KIAA1958: variants seen among roughly 807,000 people sequenced by gnomAD.
The protein encoded by KIAA1958 is uncharacterized protein KIAA1958.
A neutral mutation model predicts 47.2 loss-of-function variants in KIAA1958; 14 were observed. The observed-to-expected ratio is 0.30, with a 90% CI of 0.20 to 0.46. The LOEUF is 0.46. Among genes scored for constraint, KIAA1958 ranks in the 20% least tolerant of loss-of-function variants. The probability of loss-of-function intolerance (pLI) is 1.00; values close to 1 mark genes in which losing one functional copy is unlikely to be tolerated. For synonymous variants in KIAA1958, 354 were observed against 353.3 expected, an observed-to-expected ratio of 1.00 and a Z score of -0.02; for missense variants, 803 against 909.2, an observed-to-expected ratio of 0.88 and a Z score of 1.50.
In KIAA1958 at chr9:112,667,939, G is replaced by A. The variant is rs971471989; in HGVS notation, c.*7870G>A. ...GGAAGGGTATGTATGCTTTTAAATA[G>A]ATAATATGGCTAGAAGCTACATATC... is the stretch of plus-strand genomic sequence containing the variant. On this transcript the variant is annotated 3_prime_UTR_variant, in exon 4 of 4. Transcript: ENST00000337530. 6.6e-6 allele frequency: 1 copy of A among 152,138 alleles called. No homozygotes were observed. The highest frequency in any genetic ancestry group is 1.5e-5 in the Non-Finnish European group (1 of 68,024). The allele number at this position is 152,138 out of a possible 1,614,324, so 9.4% of individuals were successfully genotyped here.
chr9:112,488,515 A>G (rs922004966), intron 1 of KIAA1958, among the ~76,000 whole-genome samples: 1 of 152,174 alleles, frequency 6.6e-6, no homozygotes, highest in Non-Finnish European at 1.5e-5. Context: ...CCGTTCTGGA[A>G]ACTCTTTTTT....
chr9:112,529,128 C>T (rs1834709059), intron 1 of KIAA1958, among the ~76,000 whole-genome samples: 1 of 152,136 alleles, frequency 6.6e-6, no homozygotes, highest in Admixed American at 6.5e-5. Flanking sequence ...CAAAACAATT[C>T]CCTGCCTTCT....
intron 1 of KIAA1958, among the ~76,000 whole-genome samples, chr9:112,504,419 C>T (rs1834199399): frequency 6.6e-6 from 1 of 152,158 alleles, no homozygotes; most frequent in South Asian, 2.1e-4. Flanking sequence ...GAATTCCTGA[C>T]CTCAAGTGAT....
chr9:112,539,175 A>G (rs763825602), intron 1 of KIAA1958, among the ~76,000 whole-genome samples: 4 of 152,240 alleles, frequency 2.6e-5, no homozygotes, highest in Non-Finnish European at 5.9e-5. Flanking sequence ...ACCATATGAC[A>G]CAGCAGTTCA....
intron 2 of KIAA1958, among the ~76,000 whole-genome samples, chr9:112,586,018 A>T (rs1263504313): frequency 1.3e-5 from 2 of 152,246 alleles, no homozygotes; most frequent in African/African-American, 4.8e-5. Flanking sequence ...TCCTGTTCTC[A>T]TGCTGCCTAC....
At chr9:112,584,705 G>A (rs895329817) in intron 2 of KIAA1958, among the ~76,000 whole-genome samples, 5 of 152,146 alleles carry the variant, frequency 3.3e-5, no homozygotes. Flanking sequence ...TTTATTCGAG[G>A]ATCAACATTG....
intron 1 of KIAA1958, among the ~76,000 whole-genome samples, chr9:112,510,539 C>T (rs1487020798): frequency 2.0e-5 from 3 of 152,172 alleles, no homozygotes; most frequent in South Asian, 2.1e-4. Flanking sequence ...CACTCCTGGT[C>T]CCTGTTTCCC....
chr9:112,517,641 GAGAATA>G (rs1165108311), intron 1 of KIAA1958, among the ~76,000 whole-genome samples: 1 of 152,118 alleles, frequency 6.6e-6, no homozygotes, highest in Non-Finnish European at 1.5e-5. Context: ...ATACTATTAA[GAGAATA>G]AAAATACAAA....
intron 1 of KIAA1958, among the ~76,000 whole-genome samples, chr9:112,497,401 A>C (rs1474686021): frequency 6.6e-6 from 1 of 152,152 alleles, no homozygotes; most frequent in Non-Finnish European, 1.5e-5. Flanking sequence ...TAGGGGAAAA[A>C]ACTCTGTGAA....
chr9:112,565,697 C>G (rs1835416193), intron 1 of KIAA1958, among the ~76,000 whole-genome samples: 1 of 152,128 alleles, frequency 6.6e-6, no homozygotes, highest in South Asian at 2.1e-4. Context: ...TCTTTTGACT[C>G]AATATATTTA....
At chr9:112,601,221 A>T (rs1485818630) in intron 2 of KIAA1958, among the ~76,000 whole-genome samples, 2 of 152,260 alleles carry the variant, frequency 1.3e-5, no homozygotes, top group Non-Finnish European at 2.9e-5. Flanking sequence ...TTTCAGAAAG[A>T]ATTCCTTAAC....
chr9:112,505,356 T>TA (rs1834215366), intron 1 of KIAA1958, among the ~76,000 whole-genome samples: 1 of 152,342 alleles, frequency 6.6e-6, no homozygotes, highest in East Asian at 1.9e-4. Context: ...TCCGCGTTTA[T>TA]AAAATGAGTA....
intron 1 of KIAA1958, among the ~76,000 whole-genome samples, chr9:112,492,045 C>T (rs1244792190): frequency 6.6e-6 from 1 of 152,194 alleles, no homozygotes; most frequent in African/African-American, 2.4e-5. Context: ...TATAGGACTT[C>T]ATATTTCTGG....
chr9:112,542,889 C>T (rs1199333543), intron 1 of KIAA1958, among the ~76,000 whole-genome samples: 1 of 152,164 alleles, frequency 6.6e-6, no homozygotes, highest in Non-Finnish European at 1.5e-5. Context: ...GGTGCTCAGG[C>T]TGGTGAGACT....
In KIAA1958 at chr9:112,574,999, G is replaced by T; in HGVS notation, c.919G>T (p.Ala307Ser). The T allele has an allele frequency of 6.2e-7, 1 of 1,614,174 alleles. No individual in the cohort carries two copies. Among genetic ancestry groups the T allele is most frequent in the African/African-American group, 1.3e-5 (1 of 75,050 alleles). ...PGTHGTNQQVAMQMPVSTSHP... is the reference protein window; with the variant it reads ...PGTHGTNQQVSMQMPVSTSHP... ...TACACATGGCACCAACCAACAGGTG[G>T]CCATGCAAATGCCTGTGAGCACATC... The change falls in exon 2 of 4, where the codon GCC (alanine) becomes TCC (serine). Residue 307 changes from alanine (A) to serine (S), a missense_variant. This residue lies in a region of KIAA1958 where 761 missense variants were observed against 829.3 expected (regional missense o/e 0.92). Coordinates refer to ENST00000337530, the MANE Select transcript of KIAA1958 (RefSeq NM_133465.4).
At chr9:112,575,587 G>A (rs1251748219) in intron 2 of KIAA1958, among the ~76,000 whole-genome samples, 2 of 152,036 alleles carry the variant, frequency 1.3e-5, no homozygotes, top group African/African-American at 4.8e-5. Context: ...TTCTCCATCA[G>A]TAGCAAGGTG....
At chr9:112,525,724 A>G (rs1156848822) in intron 1 of KIAA1958, among the ~76,000 whole-genome samples, 2 of 151,874 alleles carry the variant, frequency 1.3e-5, no homozygotes, top group Admixed American at 6.6e-5. Flanking sequence ...CTTTCTCTGA[A>G]TGAGAAAAGC....
chr9:112,570,169 C>T (rs369281667), intron 1 of KIAA1958, among the ~76,000 whole-genome samples: 12 of 152,110 alleles, frequency 7.9e-5, no homozygotes, highest in African/African-American at 2.7e-4. Flanking sequence ...GAATAGTTCA[C>T]CATTTAATGT....
chr9:112,519,430 T>C (rs534287577), intron 1 of KIAA1958, among the ~76,000 whole-genome samples: 7 of 152,384 alleles, frequency 4.6e-5, no homozygotes, highest in African/African-American at 1.4e-4. Context: ...TTTTACATGA[T>C]GGTTATCACC....
Sources: allele counts gnomAD v4.1 joint callset (sites outside exome capture counted in the v4.1 genomes callset), GRCh38; gene constraint gnomAD v4.1.1; regional missense constraint gnomAD v4.1.1; transcripts MANE v1.5; gene names NCBI Gene and HGNC (gene_info 2026-07-23, HGNC 2026-07-21).